Variants in TAFA1 observed in about 807,000 individuals in gnomAD.
TAFA1 encodes the protein chemokine-like protein TAFA-1.
TAFA1 carries 4 observed loss-of-function variants against 18.5 expected under a neutral mutation model. The observed-to-expected ratio is 0.22, with a 90% CI of 0.11 to 0.49. The LOEUF (loss-of-function observed/expected upper bound fraction) is 0.49. TAFA1 is among the 20% of genes least tolerant of loss of function. The pLI is 0.98. For synonymous variants in TAFA1, 56 were observed against 55.2 expected, an observed-to-expected ratio of 1.01 and a Z score of -0.06; for missense variants, 147 against 169.0, an observed-to-expected ratio of 0.87 and a Z score of 0.72.
At chr3:67,992,312 T>G in the TAFA1 span, among the ~76,000 whole-genome samples, 8 of 152,012 alleles carry the variant, frequency 5.3e-5, no homozygotes, top group Non-Finnish European at 7.3e-5. Context: ...AAACATCTAT[T>G]TGGCAAGGTT....
chr3:68,169,506 T>C (rs1010677137), intron 2 of TAFA1, among the ~76,000 whole-genome samples: 1 of 152,258 alleles, frequency 6.6e-6, no homozygotes, highest in African/African-American at 2.4e-5. Flanking sequence ...CACATATCCC[T>C]GAACATCTTA....
intron 2 of TAFA1, among the ~76,000 whole-genome samples, chr3:68,308,108 A>T (rs1035366794): frequency 6.6e-5 from 10 of 152,160 alleles, no homozygotes; most frequent in African/African-American, 2.4e-4. Flanking sequence ...GAGCCTCAAA[A>T]TGATGGAGCA....
chr3:68,386,657 C>G (rs1347164710), intron 2 of TAFA1, among the ~76,000 whole-genome samples: 8 of 152,108 alleles, frequency 5.3e-5, no homozygotes. Context: ...AGAATGCTGG[C>G]TCCAGAAGGC....
At chr3:68,353,987 G>A (rs941829749) in intron 2 of TAFA1, among the ~76,000 whole-genome samples, 3 of 151,984 alleles carry the variant, frequency 2.0e-5, no homozygotes, top group African/African-American at 7.2e-5. Context: ...TAAATGTGGT[G>A]CTTGGATTGG....
chr3:68,060,551 C>G (rs2064590224), intron 2 of TAFA1, among the ~76,000 whole-genome samples: 1 of 152,184 alleles, frequency 6.6e-6, no homozygotes, highest in Non-Finnish European at 1.5e-5. Context: ...TCTAGACCAG[C>G]AAATGAGATG....
intron 2 of TAFA1, among the ~76,000 whole-genome samples, chr3:68,018,589 C>T (rs1704617578): frequency 6.6e-6 from 1 of 152,142 alleles, no homozygotes; most frequent in South Asian, 2.1e-4. Context: ...GATTTCCCTA[C>T]CACATCACAA....
In TAFA1 at chr3:68,460,837, C is replaced by T. The variant is rs560315101; in HGVS notation, c.259+43417C>T. Among the ~76,000 whole-genome samples the T allele has an allele frequency of 2.6e-5, 4 of 152,320 alleles. No homozygotes were observed. The East Asian group carries it at 7.7e-4, about 29-fold the overall frequency. Reference sequence around the variant, plus strand: ...TGATGCTGCTAGTCTGGGGATCACACATAGGGAACCCCATTAGACTAGAAC... The same window carrying T: ...TGATGCTGCTAGTCTGGGGATCACATATAGGGAACCCCATTAGACTAGAAC... On this transcript the variant is annotated intron_variant, in intron 3 of 4. Coordinates refer to ENST00000478136, the MANE Select transcript of TAFA1 (RefSeq NM_213609.4).
intron 2 of TAFA1, among the ~76,000 whole-genome samples, chr3:68,096,159 A>T (rs1015628138): frequency 3.3e-5 from 5 of 152,078 alleles, no homozygotes; most frequent in Non-Finnish European, 5.9e-5. Flanking sequence ...TAGCTCTCAC[A>T]TATGAGTGAG....
At chr3:68,480,888 C>G (rs1330325966) in intron 3 of TAFA1, among the ~76,000 whole-genome samples, 3 of 152,106 alleles carry the variant, frequency 2.0e-5, no homozygotes, top group African/African-American at 7.2e-5. Context: ...TTCCCTCATA[C>G]TGTTCTCGTG....
chr3:68,304,370 T>C (rs2068368091), intron 2 of TAFA1, among the ~76,000 whole-genome samples: 1 of 152,226 alleles, frequency 6.6e-6, no homozygotes, highest in African/African-American at 2.4e-5. Context: ...TATTTGAACC[T>C]AGCAAAAGGT....
At chr3:68,226,239 T>C (rs2066798722) in intron 2 of TAFA1, among the ~76,000 whole-genome samples, 1 of 152,198 alleles carries the variant, frequency 6.6e-6, no homozygotes, top group South Asian at 2.1e-4. Context: ...CATATGCCAA[T>C]GCTATTCACT....
intron 2 of TAFA1, among the ~76,000 whole-genome samples, chr3:68,081,788 G>A (rs921971227): frequency 1.3e-5 from 2 of 152,210 alleles, no homozygotes; most frequent in African/African-American, 4.8e-5. Context: ...CCTGCCCCTA[G>A]AGGTGGAGCC....
intron 2 of TAFA1, among the ~76,000 whole-genome samples, chr3:68,383,325 C>G (rs762583363): frequency 2.3e-4 from 35 of 151,996 alleles, no homozygotes; most frequent in African/African-American, 6.8e-4. Flanking sequence ...GTGGGTTTGT[C>G]GTAGATGGCT....
chr3:68,506,744 A>G (rs1272985890), intron 3 of TAFA1, among the ~76,000 whole-genome samples: 1 of 152,094 alleles, frequency 6.6e-6, no homozygotes, highest in African/African-American at 2.4e-5. Context: ...CTAGCTGAGA[A>G]CCTAACAATG....
At chr3:68,153,291 T>C (rs550724861) in intron 2 of TAFA1, among the ~76,000 whole-genome samples, 1 of 152,272 alleles carries the variant, frequency 6.6e-6, no homozygotes, top group South Asian at 2.1e-4. Flanking sequence ...GTTAATAAAA[T>C]TTATTTCCCA....
At chr3:68,300,126 C>A (rs1199558320) in intron 2 of TAFA1, among the ~76,000 whole-genome samples, 1 of 152,170 alleles carries the variant, frequency 6.6e-6, no homozygotes, top group Non-Finnish European at 1.5e-5. Flanking sequence ...ATAGCTTACA[C>A]CATGCACCTG....
intron 2 of TAFA1, among the ~76,000 whole-genome samples, chr3:68,093,082 C>T (rs780454866): frequency 6.6e-5 from 10 of 152,192 alleles, no homozygotes; most frequent in Admixed American, 3.3e-4. Context: ...CCTGTCCTTC[C>T]TCAAAATCCT....
intron 2 of TAFA1, among the ~76,000 whole-genome samples, chr3:68,178,587 A>T (rs1425893727): frequency 6.6e-6 from 1 of 152,224 alleles, no homozygotes; most frequent in African/African-American, 2.4e-5. Flanking sequence ...AACAGGCTGG[A>T]AAAAAAGCTC....
Position 68,004,546 on chromosome 3 carries a change from G to C in TAFA1, c.-160G>C, listed in dbSNP as rs1319741167. ...TTTTACTGTGGAAATAGGATCGGAA[G>C]AGAGTAACATTTTTTTTTTTTTAAT... On this transcript the variant is annotated 5_prime_UTR_variant, in exon 1 of 5. Transcript: ENST00000478136. 1 of 113,850 alleles carries C rather than the reference G, an allele frequency of 8.8e-6. No homozygotes were observed. The highest frequency in any genetic ancestry group is 1.9e-5 in the Non-Finnish European group (1 of 53,118). The allele number at this position is 113,850 out of a possible 1,614,324, so 7.1% of individuals were successfully genotyped here. A position where few individuals can be genotyped will look rare whatever the true frequency, so the allele number is the denominator to read the frequency against.
Sources: gnomAD v4.1 joint callset for allele counts (sites outside exome capture counted in the v4.1 genomes callset) on GRCh38, gnomAD v4.1.1 for gene constraint, MANE v1.5 for transcripts, NCBI Gene and HGNC (gene_info 2026-07-23, HGNC 2026-07-21) for gene names.